Variants in DPY19L1 observed in about 807,000 individuals in gnomAD.
DPY19L1 encodes dpy-19 like C-mannosyltransferase 1, also known as protein C-mannosyl-transferase DPY19L1.
Under a neutral mutation model 96.9 loss-of-function variants are expected in DPY19L1, and 35 were observed. The ratio of observed to expected loss-of-function variants is 0.36; its 90% CI spans 0.28 to 0.48. The LOEUF (loss-of-function observed/expected upper bound fraction) is 0.48. DPY19L1 is among the 20% of genes least tolerant of loss of function. DPY19L1 has a pLI of 0.99. For missense variants in DPY19L1, 521 were observed against 777.9 expected, an observed-to-expected ratio of 0.67 and a Z score of 3.93; for synonymous variants, 205 against 252.6, an observed-to-expected ratio of 0.81 and a Z score of 1.79.
chr7:34,998,047 A>G (rs1785332455), intron 6 of DPY19L1, among the ~76,000 whole-genome samples: 1 of 152,224 alleles, frequency 6.6e-6, no homozygotes, highest in Non-Finnish European at 1.5e-5. Flanking sequence ...GGCTTCTGGA[A>G]CATATCTAGA....
Position 34,931,444 on chromosome 7 carries a change from C to T in DPY19L1, c.*129G>A. The stretch of plus-strand genomic sequence containing the variant: ...TAATTAGAATGACATTCAAATTGAC[C>T]AAATAAAACGTTTTCTATTTGAAAA... On this transcript the variant is annotated 3_prime_UTR_variant, in exon 22 of 22. Transcript: ENST00000638088. 2 of 1,251,232 alleles carry T rather than the reference C, an allele frequency of 1.6e-6. No individual in the cohort carries two copies. The highest frequency in any genetic ancestry group is 2.7e-5 in the South Asian group (1 of 37,696). The allele number at this position is 1,251,232 out of a possible 1,614,324, so 77.5% of individuals were successfully genotyped here.
At chr7:34,968,943 A>C (rs1454358754) in intron 9 of DPY19L1, among the ~76,000 whole-genome samples, 1 of 152,038 alleles carries the variant, frequency 6.6e-6, no homozygotes, top group Non-Finnish European at 1.5e-5. Context: ...ACAATAGATA[A>C]ATTTCCAGAC....
At position 34,945,657 on chromosome 7, in the gene DPY19L1, G is replaced by A; in HGVS notation, c.1544+10C>T. 1.3e-6 allele frequency: 2 copies of A among 1,567,296 alleles called. No individual in the cohort carries two copies. Among genetic ancestry groups the A allele is most frequent in the Non-Finnish European group, 1.7e-6 (2 of 1,146,022 alleles). ...AGAGGAGGTAATAAAATTCTTAATA[G>A]CATATTTACCTTACATGTGTCTGTT... On this transcript the variant is annotated intron_variant, in intron 16 of 21. Transcript: ENST00000638088.
chr7:34,966,782 ATTTG>A (rs1784619402), intron 10 of DPY19L1, 108 bp downstream of exon 10: 17 of 1,037,350 alleles, frequency 1.6e-5, no homozygotes, highest in African/African-American at 3.4e-5. Context: ...TTTGAACAAC[ATTTG>A]TTTTAGTTAT....
At chr7:35,033,007 CCAAGAG>C (rs1786297782) in intron 1 of DPY19L1, among the ~76,000 whole-genome samples, 1 of 152,104 alleles carries the variant, frequency 6.6e-6, no homozygotes, top group Non-Finnish European at 1.5e-5. Context: ...ACCCATTTTC[CCAAGAG>C]CAGATTTCTC....
intron 18 of DPY19L1, 97 bp from the exon 19 acceptor site, chr7:34,940,424 A>T (rs952240444): frequency 2.1e-6 from 2 of 957,152 alleles, no homozygotes; most frequent in Non-Finnish European, 2.9e-6. Flanking sequence ...GGCCTCTGCT[A>T]GAGTCCCAAA....
At chr7:34,993,613 C>A (rs1479006283) in intron 6 of DPY19L1, among the ~76,000 whole-genome samples, 1 of 151,850 alleles carries the variant, frequency 6.6e-6, no homozygotes, top group African/African-American at 2.4e-5. Flanking sequence ...ACCCTGCCCC[C>A]CCACCCAAGA....
chr7:35,034,699 T>C (rs570261298), intron 1 of DPY19L1, among the ~76,000 whole-genome samples: 2 of 152,310 alleles, frequency 1.3e-5, no homozygotes, highest in Admixed American at 1.3e-4. Flanking sequence ...CTCTTGAAAA[T>C]GTGTGTTTCT....
chr7:34,958,833 T>C (rs1784431264), intron 10 of DPY19L1, among the ~76,000 whole-genome samples: 1 of 152,212 alleles, frequency 6.6e-6, no homozygotes, highest in Non-Finnish European at 1.5e-5. Flanking sequence ...ATTCTTTTAA[T>C]AGTAGATGAG....
chr7:34,936,651 A>T (rs1274355035), intron 21 of DPY19L1, among the ~76,000 whole-genome samples: 2 of 152,202 alleles, frequency 1.3e-5, no homozygotes, highest in African/African-American at 2.4e-5. Context: ...TGAGTATGTG[A>T]ATTTCATATA....
intron 21 of DPY19L1, among the ~76,000 whole-genome samples, chr7:34,933,806 A>G (rs1783808325): frequency 6.6e-6 from 1 of 152,184 alleles, no homozygotes; most frequent in African/African-American, 2.4e-5. Flanking sequence ...GCCTTCAGCC[A>G]CAGATTGAAG....
intron 15 of DPY19L1, among the ~76,000 whole-genome samples, chr7:34,946,048 C>T (rs931018433): frequency 2.0e-5 from 3 of 152,194 alleles, no homozygotes; most frequent in South Asian, 2.1e-4. Context: ...TCACATTCAG[C>T]GCTGCTTCCA....
rs561296002 is a variant in DPY19L1, at chr7:34,970,510, T to C, written c.915-978A>G. 8.5e-5 allele frequency among the ~76,000 whole-genome samples: 13 copies of C among 152,310 alleles called. No individual in the cohort carries two copies. The South Asian group carries it at 2.5e-3, about 29-fold the overall frequency. On this transcript the variant is annotated intron_variant, in intron 8 of 21. Coordinates refer to ENST00000638088, the MANE Select transcript of DPY19L1 (RefSeq NM_001366673.1). ...TACGAGGGGTTCTATTCTGTGAAAC[T>C]TTTGTTTCAGCTGTGTGCATACATG...
intron 6 of DPY19L1, among the ~76,000 whole-genome samples, chr7:34,991,854 C>T (rs1169509570): frequency 2.0e-5 from 3 of 152,114 alleles, no homozygotes; most frequent in African/African-American, 7.2e-5. Flanking sequence ...TATTCCTAAT[C>T]AATGTATGTA....
chr7:35,022,778 G>GCACA (rs71551084), intron 1 of DPY19L1, among the ~76,000 whole-genome samples: 8,127 of 142,232 alleles, frequency 0.057, 298 homozygotes, highest in Middle Eastern at 0.19. Context: ...ACACACACAC[G>GCACA]CACACACACA....
chr7:34,950,362 TA>T (rs1784244723), intron 13 of DPY19L1, among the ~76,000 whole-genome samples: 1 of 152,194 alleles, frequency 6.6e-6, no homozygotes, highest in Admixed American at 6.5e-5. Flanking sequence ...GGTACTGGAA[TA>T]AAAGGTACTT....
At chr7:34,960,969 G>A (rs769196535) in intron 10 of DPY19L1, among the ~76,000 whole-genome samples, 3 of 151,976 alleles carry the variant, frequency 2.0e-5, no homozygotes, top group Non-Finnish European at 4.4e-5. Flanking sequence ...ATTTAACTAC[G>A]TAAAAAACCT....
intron 7 of DPY19L1, among the ~76,000 whole-genome samples, chr7:34,988,965 C>T (rs1785106312): frequency 6.6e-6 from 1 of 152,156 alleles, no homozygotes; most frequent in Non-Finnish European, 1.5e-5. Flanking sequence ...CTGCAATAAT[C>T]CTATGAGGTG....
At chr7:35,016,928 C>T (rs1224053823) in intron 3 of DPY19L1, among the ~76,000 whole-genome samples, 1 of 150,076 alleles carries the variant, frequency 6.7e-6, no homozygotes, top group Non-Finnish European at 1.5e-5. Flanking sequence ...TATTAAAAGA[C>T]TTAAGATACA....
Sources: allele counts gnomAD v4.1 joint callset (sites outside exome capture counted in the v4.1 genomes callset), GRCh38; gene constraint gnomAD v4.1.1; transcripts MANE v1.5; gene names NCBI Gene and HGNC (gene_info 2026-07-23, HGNC 2026-07-21).